SORCS1: variants seen among roughly 807,000 people sequenced by gnomAD.
SORCS1 encodes the protein sortilin related VPS10 domain containing receptor 1, also known as VPS10 domain-containing receptor SorCS1.
Under a neutral mutation model 146.1 loss-of-function variants are expected in SORCS1, and 60 were observed. The ratio of observed to expected loss-of-function variants is 0.41; its 90% CI spans 0.33 to 0.51. The LOEUF (loss-of-function observed/expected upper bound fraction) is 0.51, where lower values mean the gene tolerates loss of function less well. Among genes scored for constraint, SORCS1 ranks in the 20% least tolerant of loss-of-function variants. The probability of loss-of-function intolerance (pLI) is 0.21; values close to 1 mark genes in which losing one functional copy is unlikely to be tolerated. For missense variants in SORCS1, 1,352 were observed against 1,487.6 expected (o/e 0.91, Z 1.50); for synonymous variants, 637 against 584.0 (o/e 1.09, Z -1.31).
At chr10:106,838,039 G>A (rs1948855131) in intron 2 of SORCS1, among the ~76,000 whole-genome samples, 4 of 152,170 alleles carry the variant, frequency 2.6e-5, no homozygotes, top group African/African-American at 2.4e-5. Flanking sequence ...TCAGAACAGC[G>A]CCCTGGGCAC....
chr10:107,133,060 G>A (rs760732612), intron 1 of SORCS1, among the ~76,000 whole-genome samples: 5 of 152,246 alleles, frequency 3.3e-5, no homozygotes, highest in Middle Eastern at 3.4e-3. Context: ...GAGAAAAGAC[G>A]TACAAATTTA....
chr10:107,148,679 G>A (rs1968529895), intron 1 of SORCS1, among the ~76,000 whole-genome samples: 1 of 152,164 alleles, frequency 6.6e-6, no homozygotes, highest in Non-Finnish European at 1.5e-5. Context: ...TTGAGTAAGA[G>A]GTACTAGGGT....
At position 107,025,335 on chromosome 10, in the gene SORCS1, T is replaced by G. The variant is rs1034779149; in HGVS notation, c.559-68755A>C. On this transcript the variant is annotated intron_variant, in intron 1 of 25. Coordinates refer to ENST00000263054, the MANE Select transcript of SORCS1 (RefSeq NM_052918.5). Reference sequence around the variant, plus strand: ...GAATCAACCCCAATAAATGCTAGCTTGGGTATAAACAGTTCTTGAAGGCTC... The same window carrying G: ...GAATCAACCCCAATAAATGCTAGCTGGGGTATAAACAGTTCTTGAAGGCTC... 2.6e-5 allele frequency among the ~76,000 whole-genome samples: 4 copies of G among 152,180 alleles called. No homozygotes were observed. In the East Asian group the frequency reaches 7.7e-4, roughly 29 times the overall value.
chr10:106,618,286 G>C lies in SORCS1; in HGVS notation c.2797-14C>G. On this transcript the variant is annotated splice_polypyrimidine_tract_variant and intron_variant, in intron 20 of 25. Transcript: ENST00000263054. ...GGTGATCAAAGGCTAAAATAAACAA[G>C]GGCCCAGAGTGAAGGGAAAGCTCTT... 2 of 1,612,952 alleles carry C rather than the reference G, an allele frequency of 1.2e-6. No homozygotes were observed. Among genetic ancestry groups the C allele is most frequent in the Middle Eastern group, 1.7e-4 (1 of 6,052 alleles).
At chr10:107,006,101 TTGAG>T (rs1263817583) in intron 1 of SORCS1, among the ~76,000 whole-genome samples, 1 of 152,220 alleles carries the variant, frequency 6.6e-6, no homozygotes, top group Non-Finnish European at 1.5e-5. Context: ...CTATTAGATT[TTGAG>T]TTATTTGAAG....
chr10:106,816,018 T>G (rs2136861197), intron 3 of SORCS1, among the ~76,000 whole-genome samples: 1 of 152,304 alleles, frequency 6.6e-6, no homozygotes, highest in South Asian at 2.1e-4. Context: ...CTGAGTAAAC[T>G]CAGAATTCTT....
intron 22 of SORCS1, among the ~76,000 whole-genome samples, chr10:106,609,718 C>T (rs889337803): frequency 1.3e-5 from 2 of 152,216 alleles, no homozygotes; most frequent in Admixed American, 6.5e-5. Context: ...TTATGCTACA[C>T]AGCAGGCTAG....
At chr10:107,068,174 A>C (rs567370818) in intron 1 of SORCS1, among the ~76,000 whole-genome samples, 3 of 152,088 alleles carry the variant, frequency 2.0e-5, no homozygotes, top group Non-Finnish European at 4.4e-5. Flanking sequence ...AATTCTTTCT[A>C]ATCTGCTTTC....
intron 16 of SORCS1, among the ~76,000 whole-genome samples, chr10:106,669,842 T>C (rs1851454801): frequency 6.6e-6 from 1 of 152,232 alleles, no homozygotes; most frequent in Non-Finnish European, 1.5e-5. Flanking sequence ...GACGGCTGGC[T>C]GCCACTCTTG....
chr10:106,595,035 T>C (rs1251276769), intron 24 of SORCS1, among the ~76,000 whole-genome samples: 1 of 152,222 alleles, frequency 6.6e-6, no homozygotes, highest in Non-Finnish European at 1.5e-5. Flanking sequence ...TTGATCATTC[T>C]CCCATACAAC....
At chr10:106,818,924 T>G (rs926931953) in intron 3 of SORCS1, among the ~76,000 whole-genome samples, 1 of 152,230 alleles carries the variant, frequency 6.6e-6, no homozygotes, top group Non-Finnish European at 1.5e-5. Flanking sequence ...GATACATAAG[T>G]ACTGTGCTGT....
chr10:106,596,970 G>C (rs1294619036), intron 24 of SORCS1, among the ~76,000 whole-genome samples: 1 of 152,074 alleles, frequency 6.6e-6, no homozygotes, highest in African/African-American at 2.4e-5. Context: ...TCCTGCCTCA[G>C]CCTCTCAAGT....
intron 2 of SORCS1, among the ~76,000 whole-genome samples, chr10:106,835,083 G>A (rs181210647): frequency 6.6e-5 from 10 of 151,696 alleles, no homozygotes; most frequent in Non-Finnish European, 1.3e-4. Context: ...GAAATAAGTC[G>A]CTCTGTGGAG....
At chr10:106,640,296 C>T (rs998619649) in intron 18 of SORCS1, among the ~76,000 whole-genome samples, 16 of 152,122 alleles carry the variant, frequency 1.1e-4, no homozygotes, top group East Asian at 9.6e-4. Flanking sequence ...TGTGAAATTA[C>T]GGATCATTGA....
intron 5 of SORCS1, among the ~76,000 whole-genome samples, chr10:106,751,407 A>G (rs951428030): frequency 2.0e-5 from 3 of 152,188 alleles, no homozygotes; most frequent in African/African-American, 7.2e-5. Flanking sequence ...ATTCTCAAAG[A>G]AAAGGGCTTT....
intron 1 of SORCS1, among the ~76,000 whole-genome samples, chr10:107,067,489 G>A (rs1262892154): frequency 2.0e-5 from 3 of 151,916 alleles, no homozygotes; most frequent in African/African-American, 7.3e-5. Flanking sequence ...AAAACATCCC[G>A]GTGTAATTGG....
intron 3 of SORCS1, among the ~76,000 whole-genome samples, chr10:106,813,680 A>G (rs544475213): frequency 4.8e-4 from 73 of 152,304 alleles, no homozygotes; most frequent in African/African-American, 1.7e-3. Context: ...CACGCCTGCA[A>G]TCCCAAAGCT....
chr10:107,023,121 T>C (rs534192058), intron 1 of SORCS1, among the ~76,000 whole-genome samples: 1 of 152,322 alleles, frequency 6.6e-6, no homozygotes, highest in East Asian at 1.9e-4. Context: ...TTACATCAGA[T>C]AATGCATGTA....
intron 1 of SORCS1, among the ~76,000 whole-genome samples, chr10:107,125,127 A>G (rs1048070595): frequency 6.6e-6 from 1 of 150,760 alleles, no homozygotes; most frequent in Non-Finnish European, 1.5e-5. Context: ...TAATTTTTAT[A>G]TTTTTACTAA....
Sources: allele counts gnomAD v4.1 joint callset (sites outside exome capture counted in the v4.1 genomes callset), GRCh38; gene constraint gnomAD v4.1.1; transcripts MANE v1.5; gene names NCBI Gene and HGNC (gene_info 2026-07-23, HGNC 2026-07-21).